The following CDH5 variants were observed in gnomAD, a reference collection of about 807,000 sequenced individuals.
CDH5 encodes cadherin-5.
CDH5 carries 28 observed loss-of-function variants against 62.0 expected under a neutral mutation model. The ratio of observed to expected loss-of-function variants is 0.45; its 90% CI spans 0.33 to 0.62. The LOEUF (loss-of-function observed/expected upper bound fraction) is 0.62. CDH5 is among the 20% of genes least tolerant of loss of function. The pLI is 0.02. For synonymous variants in CDH5, 464 were observed against 445.8 expected, an observed-to-expected ratio of 1.04 and a Z score of -0.52; for missense variants, 940 against 1,065.1, an observed-to-expected ratio of 0.88 and a Z score of 1.63.
At chr16:66,388,641 G>A (rs556265035) in intron 4 of CDH5, among the ~76,000 whole-genome samples, 1 of 152,324 alleles carries the variant, frequency 6.6e-6, no homozygotes, top group African/African-American at 2.4e-5. Context: ...AGGTGCCCAA[G>A]AGGTGGACTC....
chr16:66,379,136 G>A (rs1273557462), intron 1 of CDH5, 183 bp from the exon 2 acceptor site: 11 of 545,952 alleles, frequency 2.0e-5, no homozygotes, highest in East Asian at 2.9e-5. Flanking sequence ...TCCTAAAACC[G>A]ACCTTTCATC....
chr16:66,374,954 C>A (rs538247315), intron 1 of CDH5, among the ~76,000 whole-genome samples: 8 of 152,210 alleles, frequency 5.3e-5, no homozygotes, highest in South Asian at 4.1e-4. Flanking sequence ...CCTCTCCCCC[C>A]ACCCCACGAC....
intron 2 of CDH5, among the ~76,000 whole-genome samples, chr16:66,383,221 T>TA (rs748270783): frequency 2.7e-4 from 41 of 150,896 alleles, no homozygotes; most frequent in East Asian, 9.7e-4. Flanking sequence ...AGACATTAGG[T>TA]AAAAAAAAAC....
At chr16:66,381,587 A>C (rs1335557622) in intron 2 of CDH5, among the ~76,000 whole-genome samples, 1 of 152,212 alleles carries the variant, frequency 6.6e-6, no homozygotes, top group Non-Finnish European at 1.5e-5. Context: ...GACAGGTGCA[A>C]AAAAGAACAT....
At position 66,402,912 on chromosome 16, in the gene CDH5, G is replaced by A. The variant is rs766859442; in HGVS notation, c.2098G>A (p.Gly700Arg). Reference sequence around the variant, plus strand: ...ACCGAGGCACGCGCCTGGGGCACACGGAGGGCCCGGGGAGATGGCAGCCAT... The same window carrying A: ...ACCGAGGCACGCGCCTGGGGCACACAGAGGGCCCGGGGAGATGGCAGCCAT... ...KPPRHAPGAHGGPGEMAAMIE... is the reference protein window; with the variant it reads ...KPPRHAPGAHRGPGEMAAMIE... Residue 700 changes from glycine to arginine, a missense_variant, in exon 12 of 12, where the codon GGA becomes AGA. Physicochemically the swap from Gly to Arg is moderately radical, Grantham distance 125. Coordinates refer to ENST00000341529, the MANE Select transcript of CDH5 (RefSeq NM_001795.5). 4 of 1,611,684 alleles carry A rather than the reference G, an allele frequency of 2.5e-6. No homozygotes were observed. The highest frequency in any genetic ancestry group is 1.7e-5 in the Admixed American group (1 of 59,966).
intron 6 of CDH5, 52 bp downstream of exon 6, chr16:66,390,642 A>G: frequency 6.5e-7 from 1 of 1,549,694 alleles, no homozygotes; most frequent in Non-Finnish European, 8.9e-7. Flanking sequence ...GGCTCTTGGC[A>G]CCCACAGGTC....
At chr16:66,379,085 G>C (rs905903738) in intron 1 of CDH5, 1 of 532,132 alleles carries the variant, frequency 1.9e-6, no homozygotes, top group Non-Finnish European at 3.3e-6. Flanking sequence ...ACAAGGAAGT[G>C]TAGGGAAATT....
Position 66,399,018 on chromosome 16 carries a change from GA to G in CDH5, c.1591+459del, listed in dbSNP as rs60935965. Among the ~76,000 whole-genome samples, 464 of 152,310 alleles carry G rather than the reference GA, an allele frequency of 3.0e-3. 3 individuals carry two copies. The highest frequency in any genetic ancestry group is 0.011 in the African/African-American group (451 of 41,560). Reference sequence around the variant, plus strand: ...GATGCAGGCAGTCAGCTCAGTTCAAGAACTAGCCAAGGAGTCCCCTCCCATA... The same window carrying G: ...GATGCAGGCAGTCAGCTCAGTTCAAGACTAGCCAAGGAGTCCCCTCCCATA... On this transcript the variant is annotated intron_variant, in intron 10 of 11. Transcript: ENST00000341529.
intron 11 of CDH5, among the ~76,000 whole-genome samples, chr16:66,401,974 C>T (rs1961291065): frequency 6.6e-6 from 1 of 152,166 alleles, no homozygotes; most frequent in South Asian, 2.1e-4. Flanking sequence ...CCTCGGTATG[C>T]CCGACTTCTG....
chr16:66,398,181 G>A (rs1463370895), intron 9 of CDH5, 75 bp downstream of exon 9: 5 of 1,534,384 alleles, frequency 3.3e-6, no homozygotes, highest in Non-Finnish European at 4.5e-6. Flanking sequence ...GCTCAACAGA[G>A]TCAGCAGGAG....
chr16:66,372,722 C>G (rs886371980), intron 1 of CDH5, among the ~76,000 whole-genome samples: 4 of 152,198 alleles, frequency 2.6e-5, no homozygotes, highest in Non-Finnish European at 1.5e-5. Flanking sequence ...CGGTCCCAAC[C>G]TCCCATGGGA....
At chr16:66,396,639 A>G (rs1657170589) in intron 8 of CDH5, among the ~76,000 whole-genome samples, 1 of 152,202 alleles carries the variant, frequency 6.6e-6, no homozygotes, top group Admixed American at 6.5e-5. Flanking sequence ...GTTCCTTCAG[A>G]GGGTGTTTAT....
chr16:66,400,431 A>ATTGAGCTGAAATTAGCTCAATTTT (rs1229653321), intron 10 of CDH5, among the ~76,000 whole-genome samples: 10 of 152,206 alleles, frequency 6.6e-5, no homozygotes, highest in African/African-American at 2.4e-4. Context: ...GCATTAATTA[A>ATTGAGCTGAAATTAGCTCAATTTT]TTGAGCTGAA....
intron 11 of CDH5, among the ~76,000 whole-genome samples, 176 bp downstream of exon 11, chr16:66,401,192 A>T (rs2142345168): frequency 6.6e-6 from 1 of 152,264 alleles, no homozygotes; most frequent in East Asian, 1.9e-4. Flanking sequence ...TGTGAGCTCC[A>T]ACCACCTGGG....
intron 3 of CDH5, 100 bp from the exon 4 acceptor site, chr16:66,388,224 G>A (rs1961019876): frequency 1.3e-6 from 1 of 742,174 alleles, no homozygotes; most frequent in Non-Finnish European, 2.4e-6. Context: ...TGGGGGAGGT[G>A]GGGACAGAGC....
At position 66,398,437 on chromosome 16, in the gene CDH5, C is replaced by T. The variant is rs1187562453; in HGVS notation, c.1486-19C>T. ...ACCCCACCACCATCACTGACCATCT[C>T]CTGTCTTCCACACTCCAGCTGGTCC... is the stretch of plus-strand genomic sequence containing the variant. On this transcript the variant is annotated intron_variant, in intron 9 of 11. Transcript: ENST00000341529. The T allele has an allele frequency of 6.7e-7, 1 of 1,486,794 alleles. No homozygotes were observed. Among genetic ancestry groups the T allele is most frequent in the Non-Finnish European group, 9.4e-7 (1 of 1,063,528 alleles). The allele number at this position is 1,486,794 out of a possible 1,614,324, so 92.1% of individuals were successfully genotyped here.
At chr16:66,390,664 T>C in intron 6 of CDH5, 74 bp downstream of exon 6, 1 of 1,415,350 alleles carries the variant, frequency 7.1e-7, no homozygotes. Context: ...TGCTTGGGGA[T>C]TGCTCCTGGG....
chr16:66,389,403 C>A lies in CDH5; in HGVS notation c.662C>A (p.Ala221Asp). The change falls in exon 5 of 12, where the codon GCC (alanine) becomes GAC (aspartate). Residue 221 changes from alanine to aspartate, a missense_variant. Coordinates refer to ENST00000341529, the MANE Select transcript of CDH5 (RefSeq NM_001795.5). ...AAAAGCTTGGACCGAGAGAAGCAGG[C>A]CAGGTATGAGATCGTGGTGGAAGCG... The part of the protein sequence containing the change: ...ITKSLDREKQ[A>D]RYEIVVEARD... 6.2e-7 allele frequency: 1 copy of A among 1,613,386 alleles called. No individual in the cohort carries two copies. The highest frequency in any genetic ancestry group is 1.7e-4 in the Middle Eastern group (1 of 6,056).
rs536896805 is a variant in CDH5, at chr16:66,389,292, C to A, written c.617-66C>A. On this transcript the variant is annotated intron_variant, in intron 4 of 11. Transcript: ENST00000341529. ...GCTCTTAAGTCAGGTTCTCTCTGGG[C>A]AGGCCCTAGGCATCGGTATTTTCTA... 1.1e-5 allele frequency: 17 copies of A among 1,505,136 alleles called. No homozygotes were observed. The African/African-American group carries it at 2.3e-4, about 21-fold the overall frequency. 93.2% of individuals were successfully genotyped at this position (1,505,136 alleles called of 1,614,324 possible). A position where few individuals can be genotyped will look rare whatever the true frequency, so the allele number is the denominator to read the frequency against.
Sources: gnomAD v4.1 joint callset for allele counts (sites outside exome capture counted in the v4.1 genomes callset) on GRCh38, gnomAD v4.1.1 for gene constraint, MANE v1.5 for transcripts, NCBI Gene and HGNC (gene_info 2026-07-23, HGNC 2026-07-21) for gene names.